The following TGFBRAP1 variants were observed in gnomAD, a reference collection of about 807,000 sequenced individuals.
TGFBRAP1 encodes the protein transforming growth factor-beta receptor-associated protein 1.
Under a neutral mutation model 83.2 loss-of-function variants are expected in TGFBRAP1, and 20 were observed. The observed-to-expected ratio is 0.24, with a 90% CI of 0.17 to 0.35. The LOEUF (loss-of-function observed/expected upper bound fraction) is 0.35, where lower values mean the gene tolerates loss of function less well. TGFBRAP1 is among the 10% of genes least tolerant of loss of function. The pLI, the probability that TGFBRAP1 is intolerant of heterozygous loss-of-function variation, is 1.00. For missense variants in TGFBRAP1, 950 were observed against 1,099.4 expected, an observed-to-expected ratio of 0.86 and a Z score of 1.92; for synonymous variants, 415 against 459.8, an observed-to-expected ratio of 0.90 and a Z score of 1.25.
chr2:105,310,035 C>A (rs1051927517), intron 1 of TGFBRAP1, among the ~76,000 whole-genome samples: 122 of 152,252 alleles, frequency 8.0e-4, no homozygotes, highest in African/African-American at 2.8e-3. Flanking sequence ...CCTCCATGAA[C>A]GGTAAGCAAT....
chr2:105,257,865 A>G, the TGFBRAP1 span, among the ~76,000 whole-genome samples: 2 of 152,220 alleles, frequency 1.3e-5, no homozygotes, highest in Admixed American at 6.5e-5. Flanking sequence ...AAATGGGTTC[A>G]AAATCAGCAC....
chr2:105,326,962 T>A (rs1191790134), intron 1 of TGFBRAP1, among the ~76,000 whole-genome samples: 2 of 152,156 alleles, frequency 1.3e-5, no homozygotes, highest in Non-Finnish European at 2.9e-5. Context: ...TACATTCATT[T>A]AGTAGGTATT....
chr2:105,272,813 T>C lies in TGFBRAP1; in HGVS notation c.1972+42A>G, dbSNP rs540194753. ...TCTGCTTCCTCCCACCCGCTTGATA[T>C]GAGTTTTTTCCAAAGGGAGACAATA... On this transcript the variant is annotated intron_variant, in intron 10 of 11. Coordinates refer to ENST00000393359, the MANE Select transcript of TGFBRAP1 (RefSeq NM_004257.6). The C allele has an allele frequency of 3.1e-5, 50 of 1,602,326 alleles. No homozygotes were observed. The East Asian group carries it at 8.7e-4, about 28-fold the overall frequency.
Position 105,308,200 on chromosome 2 carries a change from G to T in TGFBRAP1, c.102C>A (p.Gly34=). Residue 34 remains glycine (G), a synonymous_variant, in exon 2 of 12, where the codon GGC becomes GGA. Coordinates refer to ENST00000393359, the MANE Select transcript of TGFBRAP1 (RefSeq NM_004257.6). ...RVNIECVECC[G]RDLYVGTNDC... ...CGTTGGTGCCCACGTAGAGGTCCCT[G>T]CCGCAGCACTCCACGCACTCTATGT... 3 of 1,614,192 alleles carry T rather than the reference G, an allele frequency of 1.9e-6. No homozygotes were observed. The South Asian group carries it at 3.3e-5, about 18-fold the overall frequency.
intron 8 of TGFBRAP1, 67 bp downstream of exon 8, chr2:105,275,493 A>G: frequency 6.4e-7 from 1 of 1,566,294 alleles, no homozygotes; most frequent in South Asian, 1.2e-5. Flanking sequence ...CCTAAAAGCA[A>G]AGCTTTTGGG....
intron 2 of TGFBRAP1, among the ~76,000 whole-genome samples, chr2:105,306,785 C>A (rs1396376701): frequency 1.3e-5 from 2 of 152,028 alleles, no homozygotes; most frequent in East Asian, 3.9e-4. Flanking sequence ...GGCAATAAAG[C>A]GAGACTCTGT....
Position 105,269,290 on chromosome 2 carries a change from T to A in TGFBRAP1, c.2388A>T (p.Leu796Phe), listed in dbSNP as rs1402402907. 6.3e-7 allele frequency: 1 copy of A among 1,598,484 alleles called. No individual in the cohort carries two copies. Among genetic ancestry groups the A allele is most frequent in the Non-Finnish European group, 8.5e-7 (1 of 1,169,812 alleles). ...CACTTACCTTATCGTAGGTGTAGAT[T>A]AAGTTTTCGGACCTGGCCAGGCCGA... ...VALGLARSEN[L>F]IYTYDKMKLK... Residue 796 changes from leucine (L) to phenylalanine (F), a missense_variant, in exon 11 of 12, where the codon TTA (leucine) becomes TTT (phenylalanine). Leu to Phe is a conservative substitution (Grantham distance 22, BLOSUM62 0). Transcript: ENST00000393359. The surrounding 1 kb of genome is among the most constrained non-coding windows in gnomAD (Gnocchi z 4.1).
intron 1 of TGFBRAP1, among the ~76,000 whole-genome samples, chr2:105,322,642 T>C (rs1679100593): frequency 6.6e-6 from 1 of 152,200 alleles, no homozygotes; most frequent in Non-Finnish European, 1.5e-5. Context: ...GACAGTAGCA[T>C]GCTGTATAGG....
At chr2:105,319,059 C>CTT (rs981054068) in intron 1 of TGFBRAP1, among the ~76,000 whole-genome samples, 12 of 151,518 alleles carry the variant, frequency 7.9e-5, no homozygotes, top group Admixed American at 2.6e-4. Context: ...GAATGAGAGC[C>CTT]TTTTTTTGTG....
intron 11 of TGFBRAP1, among the ~76,000 whole-genome samples, chr2:105,268,307 G>T (rs897665567): frequency 2.6e-5 from 4 of 152,132 alleles, no homozygotes; most frequent in African/African-American, 9.7e-5. Flanking sequence ...AAGAAATGAA[G>T]TTCCCTGTCC....
In TGFBRAP1 at chr2:105,307,747, G is replaced by A. The variant is rs1678555269; in HGVS notation, c.555C>T (p.Thr185=). 1.2e-6 allele frequency: 2 copies of A among 1,614,156 alleles called. No homozygotes were observed. Among genetic ancestry groups the A allele is most frequent in the South Asian group, 1.1e-5 (1 of 91,086 alleles). ...VDGHFLCLAL[T]TQYIIHNYST... is the part of the protein sequence containing the mutation. ...TGTAATTGTGGATGATGTACTGAGT[G>A]GTCAGAGCCAGACACAGGAAGTGGC... Residue 185 remains threonine (T), a synonymous_variant, in exon 2 of 12, where the codon ACC becomes ACT. Transcript: ENST00000393359.
chr2:105,290,043 A>G (rs1475055580), intron 4 of TGFBRAP1, among the ~76,000 whole-genome samples: 1 of 152,196 alleles, frequency 6.6e-6, no homozygotes, highest in Non-Finnish European at 1.5e-5. Context: ...CTTTTCATAC[A>G]TTTATTAGAT....
Position 105,308,083 on chromosome 2 carries a change from C to T in TGFBRAP1, c.219G>A (p.Leu73=). 1 of 1,613,876 alleles carries T rather than the reference C, an allele frequency of 6.2e-7. No individual in the cohort carries two copies. Among genetic ancestry groups the T allele is most frequent in the East Asian group, 2.2e-5 (1 of 44,840 alleles). ...GCTCGTTCACGGGCTTCTTGAAGCCCAAGTGTCTCTGCAGCTGTTTGGTGG... is the reference window on the plus strand; with the variant it reads ...GCTCGTTCACGGGCTTCTTGAAGCCTAAGTGTCTCTGCAGCTGTTTGGTGG... The part of the protein sequence containing the change: ...FTATKQLQRH[L]GFKKPVNELR... The change falls in exon 2 of 12, where the codon TTG becomes TTA. Residue 73 remains leucine (L), a synonymous_variant. Coordinates refer to ENST00000393359, the MANE Select transcript of TGFBRAP1 (RefSeq NM_004257.6).
intron 1 of TGFBRAP1, among the ~76,000 whole-genome samples, chr2:105,329,088 C>T (rs924555307): frequency 1.3e-5 from 2 of 152,164 alleles, no homozygotes; most frequent in African/African-American, 4.8e-5. Context: ...CCTGCCTACT[C>T]TCCAGATCAG....
rs13400443 is a variant in TGFBRAP1 at position 105,284,433 on chromosome 2, T to A, written c.1039-35A>T. 1.0e-3 allele frequency: 1,617 copies of A among 1,585,712 alleles called. 19 individuals are homozygous for A. The African/African-American group carries it at 0.02, about 19-fold the overall frequency. ...AAGACGGGTGTAATCTCTTAGTGAA[T>A]CTTGAAACCATCACGGCAGGGTTAA... On this transcript the variant is annotated intron_variant, in intron 4 of 11. Transcript: ENST00000393359.
intron 1 of TGFBRAP1, among the ~76,000 whole-genome samples, chr2:105,315,914 C>T (rs1371408962): frequency 6.6e-6 from 1 of 152,158 alleles, no homozygotes; most frequent in African/African-American, 2.4e-5. Flanking sequence ...GCACAGCAAG[C>T]TTATTCATAT....
At chr2:105,259,674 C>G (rs1676744849), downstream of TGFBRAP1, among the ~76,000 whole-genome samples, 1 of 152,144 alleles carries the variant, frequency 6.6e-6, no homozygotes, top group Non-Finnish European at 1.5e-5. Flanking sequence ...GGCAGGTGGC[C>G]ACTCTGTCAT....
At chr2:105,290,641 G>GTA (rs1677877907) in intron 4 of TGFBRAP1, among the ~76,000 whole-genome samples, 1 of 151,376 alleles carries the variant, frequency 6.6e-6, no homozygotes, top group African/African-American at 2.4e-5. Context: ...GTGTGTGTGT[G>GTA]TGTGTGTGTG....
At position 105,265,979 on chromosome 2, in the gene TGFBRAP1, C is replaced by T. The variant is rs1287801790; in HGVS notation, c.*1404G>A. ...TCAGGGTCCTCTCTTGTCATATGTA[C>T]AAGCTGACGCTTGTTTCCCAAGCAT... is the stretch of plus-strand genomic sequence containing the variant. On this transcript the variant is annotated 3_prime_UTR_variant, in exon 12 of 12. Transcript: ENST00000393359. 1 of 152,246 alleles carries T rather than the reference C, an allele frequency of 6.6e-6. No individual in the cohort carries two copies. The highest frequency in any genetic ancestry group is 1.9e-4 in the East Asian group (1 of 5,202). The allele number at this position is 152,246 out of a possible 1,614,324, so 9.4% of individuals were successfully genotyped here. A position where few individuals can be genotyped will look rare whatever the true frequency, so the allele number is the denominator to read the frequency against.
Sources: gnomAD v4.1 joint callset for allele counts (sites outside exome capture counted in the v4.1 genomes callset) on GRCh38, gnomAD v4.1.1 for gene constraint, Gnocchi (gnomAD v3.1) non-coding constraint, MANE v1.5 for transcripts, NCBI Gene and HGNC (gene_info 2026-07-23, HGNC 2026-07-21) for gene names.